The following METRN variants were observed in gnomAD, a reference collection of about 807,000 sequenced individuals.
The protein encoded by METRN is meteorin, glial cell differentiation regulator.
In METRN, 17 loss-of-function variants were observed where a neutral mutation model predicts 17.4. The observed-to-expected ratio is 0.98, with a 90% CI of 0.67 to 1.46. The LOEUF is 1.46. Ranked by LOEUF, METRN falls within the 40% of genes most tolerant of loss-of-function variation. METRN has a pLI of 0.00. For synonymous variants in METRN, 230 were observed against 210.8 expected (o/e 1.09, Z -0.79); for missense variants, 489 against 456.2 (o/e 1.07, Z -0.65).
intron 2 of METRN, 119 bp downstream of exon 2, chr16:716,103 G>T: frequency 7.5e-7 from 1 of 1,337,908 alleles, no homozygotes; most frequent in South Asian, 1.9e-5. Flanking sequence ...ACAAGGGTTG[G>T]ATGGGCTTGT....
At position 716,957 on chromosome 16, in the gene METRN, C is replaced by T. The variant is rs369972871; in HGVS notation, c.530C>T (p.Ala177Val). 6.3e-7 allele frequency: 1 copy of T among 1,587,908 alleles called. No homozygotes were observed. Among genetic ancestry groups the T allele is most frequent in the African/African-American group, 1.3e-5 (1 of 74,436 alleles). The change falls in exon 3 of 4, where the codon GCT becomes GTT. Residue 177 changes from alanine to valine, a missense_variant. Coordinates refer to ENST00000568223, the MANE Select transcript of METRN (RefSeq NM_024042.4). Reference protein sequence around the residue: ...VDGACRPCSDAELLLAACTSD... With the variant: ...VDGACRPCSDVELLLAACTSD... ...GGTGCCTGCAGGCCCTGCAGCGACGCTGAGCTGCTCCTGGCCGCATGCACC... is the reference window on the plus strand; with the variant it reads ...GGTGCCTGCAGGCCCTGCAGCGACGTTGAGCTGCTCCTGGCCGCATGCACC...
In METRN at chr16:717,385, TGA is replaced by T; in HGVS notation, c.882_*1del. On this transcript the variant is annotated frameshift_variant and stop_lost, in exon 4 of 4. Coordinates refer to ENST00000568223, the MANE Select transcript of METRN (RefSeq NM_024042.4). LOFTEE classifies it high-confidence loss of function. Reference protein sequence around the residue: ...HLHPCEVALH* With the variant: ...HLHPCEVALHX The stretch of plus-strand genomic sequence containing the variant: ...CCACCCCTGCGAGGTGGCGCTGCAC[TGA>T]GGGGCTGGGTGCTGGGGAGGGGCTG... 1 of 1,360,620 alleles carries T rather than the reference TGA, an allele frequency of 7.3e-7. No individual in the cohort carries two copies. Among genetic ancestry groups the T allele is most frequent in the South Asian group, 1.6e-5 (1 of 63,518 alleles). The allele number at this position is 1,360,620 out of a possible 1,614,324, so 84.3% of individuals were successfully genotyped here.
intron 2 of METRN, chr16:716,506 G>C: frequency 1.3e-6 from 2 of 1,502,424 alleles, no homozygotes; most frequent in Non-Finnish European, 8.9e-7. Context: ...CCCTGGCCCT[G>C]GGCCAGGGAC....
In METRN at chr16:715,757, A is replaced by G. The variant is rs940677777; in HGVS notation, c.278A>G (p.Gln93Arg). The stretch of plus-strand genomic sequence containing the variant: ...CCGGTGCGGCCCTTCGCGGGCGCCC[A>G]GGTCTTCGCGGAGCGCGCAGGGGGC... ...LRPVRPFAGA[Q>R]VFAERAGGAL... The change falls in exon 2 of 4, where the codon CAG becomes CGG. Residue 93 changes from glutamine to arginine, a missense_variant. Transcript: ENST00000568223. The G allele has an allele frequency of 4.7e-6, 6 of 1,273,192 alleles. No homozygotes were observed. Among genetic ancestry groups the G allele is most frequent in the Non-Finnish European group, 4.9e-6 (5 of 1,013,186 alleles). The allele number at this position is 1,273,192 out of a possible 1,614,324, so 78.9% of individuals were successfully genotyped here. A position where few individuals can be genotyped will look rare whatever the true frequency, so the allele number is the denominator to read the frequency against.
chr16:716,277 G>A (rs2040161034), intron 2 of METRN: 2 of 1,376,468 alleles, frequency 1.5e-6, no homozygotes, highest in East Asian at 5.6e-5. Context: ...GAGATGGTGG[G>A]GACAGAATCG....
At chr16:716,445 C>T (rs2040162726) in intron 2 of METRN, 3 of 1,437,964 alleles carry the variant, frequency 2.1e-6, no homozygotes, top group East Asian at 5.0e-5. Context: ...GCTTGGCTCT[C>T]CTGGAGCTTG....
intron 2 of METRN, chr16:716,266 A>G (rs913734414): frequency 8.1e-6 from 8 of 985,074 alleles, no homozygotes; most frequent in Non-Finnish European, 9.6e-6. Context: ...GGTTGGGGGA[A>G]GAGATGGTGG....
chr16:715,766 C>G lies in METRN; in HGVS notation c.287C>G (p.Ala96Gly). Residue 96 changes from alanine (A) to glycine (G), a missense_variant, in exon 2 of 4, where the codon GCG (alanine) becomes GGG (glycine). Physicochemically the swap from Ala to Gly is moderately conservative, Grantham distance 60 (BLOSUM62 0). Transcript: ENST00000568223. The part of the protein sequence containing the change: ...VRPFAGAQVF[A>G]ERAGGALELL... ...CCCTTCGCGGGCGCCCAGGTCTTCG[C>G]GGAGCGCGCAGGGGGCGCCCTGGAG... 1 of 1,266,608 alleles carries G rather than the reference C, an allele frequency of 7.9e-7. No individual in the cohort carries two copies. Among genetic ancestry groups the G allele is most frequent in the South Asian group, 2.8e-5 (1 of 36,048 alleles). The allele number at this position is 1,266,608 out of a possible 1,614,324, so 78.5% of individuals were successfully genotyped here.
chr16:716,346 C>A (rs1403212587), intron 2 of METRN: 12 of 1,410,416 alleles, frequency 8.5e-6, no homozygotes, highest in Non-Finnish European at 1.0e-5. Context: ...CTCTCCCCTC[C>A]CCCAGCCCAA....
chr16:716,006 A>G (rs1596582430), intron 2 of METRN, 22 bp downstream of exon 2: 1 of 1,448,414 alleles, frequency 6.9e-7, no homozygotes, highest in African/African-American at 1.5e-5. Context: ...TCTGGTTGGG[A>G]CAGGGTGGGA....
At position 717,489 on chromosome 16, in the gene METRN, G is replaced by A; in HGVS notation, c.*102G>A. On this transcript the variant is annotated 3_prime_UTR_variant, in exon 4 of 4. Transcript: ENST00000568223. ...GAACTCTGTTCACGCAAGCTGCTGTGGACCTGGTCTCCTGTGTCCAGCCCA... is the reference window on the plus strand; with the variant it reads ...GAACTCTGTTCACGCAAGCTGCTGTAGACCTGGTCTCCTGTGTCCAGCCCA... 1 of 1,154,846 alleles carries A rather than the reference G, an allele frequency of 8.7e-7. No individual in the cohort carries two copies. Among genetic ancestry groups the A allele is most frequent in the Non-Finnish European group, 1.1e-6 (1 of 877,882 alleles). 71.5% of individuals were successfully genotyped at this position (1,154,846 alleles called of 1,614,324 possible).
Position 716,775 on chromosome 16 carries a change from T to C in METRN, c.506-158T>C, listed in dbSNP as rs2040164980. On this transcript the variant is annotated intron_variant, in intron 2 of 3. Coordinates refer to ENST00000568223, the MANE Select transcript of METRN (RefSeq NM_024042.4). ...TGTCGCCGAGGGCGTGCACATCTGC[T>C]GTGTAGCTCTCTGGGACCCCCAGGT... 23 of 1,528,400 alleles carry C rather than the reference T, an allele frequency of 1.5e-5. No homozygotes were observed. In the South Asian group the frequency reaches 2.0e-4, roughly 13 times the overall value. 94.7% of individuals were successfully genotyped at this position (1,528,400 alleles called of 1,614,324 possible).
At position 715,733 on chromosome 16, in the gene METRN, C is replaced by T. The variant is rs538705321; in HGVS notation, c.254C>T (p.Pro85Leu). The change falls in exon 2 of 4, where the codon CCG becomes CTG. Residue 85 changes from proline (P) to leucine (L), a missense_variant. Pro to Leu is a moderately conservative substitution (Grantham distance 98). Transcript: ENST00000568223. The part of the protein sequence containing the change: ...RARPGIACLR[P>L]VRPFAGAQVF... Reference sequence around the variant, plus strand: ...CGGCCCGGCATCGCCTGTCTGCGGCCGGTGCGGCCCTTCGCGGGCGCCCAG... The same window carrying T: ...CGGCCCGGCATCGCCTGTCTGCGGCTGGTGCGGCCCTTCGCGGGCGCCCAG... The T allele has an allele frequency of 3.1e-6, 4 of 1,306,312 alleles. No homozygotes were observed. The highest frequency in any genetic ancestry group is 3.2e-5 in the East Asian group (1 of 31,334). 80.9% of individuals were successfully genotyped at this position (1,306,312 alleles called of 1,614,324 possible).
In METRN at chr16:715,256, G is replaced by C. The variant is rs2040150298; in HGVS notation, c.-34G>C. On this transcript the variant is annotated 5_prime_UTR_variant, in exon 1 of 4. Coordinates refer to ENST00000568223, the MANE Select transcript of METRN (RefSeq NM_024042.4). ...CGCCCCGCCGGGGCAGCGGTGGTGA[G>C]AGCCCCGACTCCCCGGACGCCGCCC... 3 of 1,211,404 alleles carry C rather than the reference G, an allele frequency of 2.5e-6. No individual in the cohort carries two copies. The highest frequency in any genetic ancestry group is 2.1e-6 in the Non-Finnish European group (2 of 960,666). 75.0% of individuals were successfully genotyped at this position (1,211,404 alleles called of 1,614,324 possible).
chr16:716,398 C>G, intron 2 of METRN: 1 of 1,428,242 alleles, frequency 7.0e-7, no homozygotes, highest in Non-Finnish European at 9.1e-7. Flanking sequence ...CATGGAGACG[C>G]CGCTCGCCTC....
chr16:716,879 G>T, intron 2 of METRN, 54 bp from the exon 3 acceptor site: 1 of 1,508,508 alleles, frequency 6.6e-7, no homozygotes. Context: ...ACGGGGCCTG[G>T]GGTGATGCCG....
At position 717,078 on chromosome 16, in the gene METRN, C is replaced by G. The variant is rs770168748; in HGVS notation, c.573C>G (p.His191Gln). ...CCACATGCCTCCCCACAGTAATTCA[C>G]GGGATCATCCATGGGGTCACCCATG... ...LAACTSDFVI[H>Q]GIIHGVTHDV... is the part of the protein sequence containing the mutation. Residue 191 changes from histidine (H) to glutamine (Q), a missense_variant, in exon 4 of 4, where the codon CAC becomes CAG. Coordinates refer to ENST00000568223, the MANE Select transcript of METRN (RefSeq NM_024042.4). 6.2e-6 allele frequency: 10 copies of G among 1,610,838 alleles called. No individual in the cohort carries two copies. In the East Asian group the frequency reaches 2.0e-4, roughly 32 times the overall value.
rs3169403 is a variant in METRN at position 719,247 on chromosome 16, G to A, written c.*1860G>A. The A allele has an allele frequency of 0.24, 36,411 of 152,244 alleles. 5,210 individuals carry two copies. The highest frequency in any genetic ancestry group is 0.57 in the East Asian group (2,967 of 5,160). 9.4% of individuals were successfully genotyped at this position (152,244 alleles called of 1,614,324 possible). ...TTTGCAACCAGCTGTCTTCTCATGA[G>A]ACACAGGGCCACAGGAGCACCACGG... On this transcript the variant is annotated 3_prime_UTR_variant, in exon 4 of 4. Transcript: ENST00000568223.
At chr16:715,552 C>G (rs1413949987) in intron 1 of METRN, 32 bp from the exon 2 acceptor site, 2 of 1,295,102 alleles carry the variant, frequency 1.5e-6, no homozygotes, top group Non-Finnish European at 2.0e-6. Flanking sequence ...GACCCGCCCC[C>G]GTCTCAGCGC....
Sources: allele counts gnomAD v4.1 joint callset, GRCh38; gene constraint gnomAD v4.1.1; transcripts MANE v1.5; gene names NCBI Gene and HGNC (gene_info 2026-07-23, HGNC 2026-07-21).